SERPINB6: variants seen among roughly 807,000 people sequenced by gnomAD.
The protein encoded by SERPINB6 is serpin B6.
In SERPINB6, 16 loss-of-function variants were observed where a neutral mutation model predicts 26.1. The observed-to-expected ratio is 0.61, with a 90% CI of 0.42 to 0.93. The LOEUF (loss-of-function observed/expected upper bound fraction) is 0.93, where lower values mean the gene tolerates loss of function less well. SERPINB6 is among the 40% of genes least tolerant of loss of function. The pLI is 0.00. For missense variants in SERPINB6, 420 were observed against 478.0 expected (o/e 0.88, Z 1.13); for synonymous variants, 174 against 176.6 (o/e 0.99, Z 0.11).
Position 2,948,401 on chromosome 6 carries a change from G to A in SERPINB6, c.1028C>T (p.Ala343Val). Residue 343 changes from alanine (A) to valine (V), a missense_variant, in exon 7 of 7, where the codon GCC (alanine) becomes GTC (valine). Transcript: ENST00000380539. The surrounding 1 kb of genome is among the most constrained non-coding windows in gnomAD (Gnocchi z 5.0). ...GGCGCAGAAGCGGGGGACGAATCTGGCACACCGCATCATCATGATGGCAGC... is the reference window on the plus strand; with the variant it reads ...GGCGCAGAAGCGGGGGACGAATCTGACACACCGCATCATCATGATGGCAGC... ...ATAAIMMMRC[A>V]RFVPRFCADH... 1.2e-6 allele frequency: 2 copies of A among 1,614,180 alleles called. No homozygotes were observed. The highest frequency in any genetic ancestry group is 1.1e-5 in the South Asian group (1 of 91,090).
Position 2,970,724 on chromosome 6 carries a change from CA to C in SERPINB6, c.-11+808del, listed in dbSNP as rs70995402. ...AGTTTTCCGAAGCCAATCTTTAGGA[CA>C]AAAAAAAAAAAAAAAAAAAGGAAGA... On this transcript the variant is annotated intron_variant, in intron 1 of 6. Coordinates refer to ENST00000380539, the MANE Select transcript of SERPINB6 (RefSeq NM_004568.6). 80,758 of 1,013,604 alleles carry C rather than the reference CA, an allele frequency of 0.08. 132 individuals are homozygous for C. The highest frequency in any genetic ancestry group is 0.13 in the African/African-American group (6,377 of 48,138). 62.8% of individuals were successfully genotyped at this position (1,013,604 alleles called of 1,614,324 possible). A position where few individuals can be genotyped will look rare whatever the true frequency, so the allele number is the denominator to read the frequency against.
rs1771724926 is a variant in SERPINB6, at chr6:2,967,286, T to A, written c.-11+4247A>T. On this transcript the variant is annotated intron_variant, in intron 1 of 6. Transcript: ENST00000380539. This position sits in a 1 kb window ranked among gnomAD's most constrained non-coding sequence, Gnocchi z 4.3. The stretch of plus-strand genomic sequence containing the variant: ...TCCTTACATACACCATGTACAAAAA[T>A]CAACTCAAGATGGATTAAAGGCTTA... 1 of 934,504 alleles carries A rather than the reference T, an allele frequency of 1.1e-6. No individual in the cohort carries two copies. Among genetic ancestry groups the A allele is most frequent in the African/African-American group, 1.8e-5 (1 of 56,060 alleles). The allele number at this position is 934,504 out of a possible 1,614,324, so 57.9% of individuals were successfully genotyped here.
rs771296066 is a variant in SERPINB6 at position 2,955,530 on chromosome 6, G to A, written c.306C>T (p.Phe102=). 5.0e-6 allele frequency: 8 copies of A among 1,614,192 alleles called. No homozygotes were observed. The highest frequency in any genetic ancestry group is 6.8e-6 in the Non-Finnish European group (8 of 1,180,040). Residue 102 remains phenylalanine (F), a synonymous_variant, in exon 3 of 7, where the codon TTC becomes TTT. Coordinates refer to ENST00000380539, the MANE Select transcript of SERPINB6 (RefSeq NM_004568.6). ...AAGAGCAAGTATGACTTACTGAGAG[G>A]AAATCACAAGACTTTTCCCCAAAGA... ...NRLFGEKSCD[F]LSSFRDSCQK...
intron 2 of SERPINB6, chr6:2,958,131 G>A (rs1770695556): frequency 6.6e-6 from 1 of 152,256 alleles, no homozygotes; most frequent in South Asian, 2.1e-4. Flanking sequence ...AGGCCATTAG[G>A]TTGGGCTTTA....
intron 5 of SERPINB6, among the ~76,000 whole-genome samples, chr6:2,951,585 G>A (rs191690606): frequency 9.4e-4 from 143 of 152,190 alleles, no homozygotes; most frequent in African/African-American, 3.3e-3. Flanking sequence ...GTGACTGAAT[G>A]ATTCACTAAA....
At chr6:2,952,096 C>G (rs1052232239) in intron 5 of SERPINB6, among the ~76,000 whole-genome samples, 1 of 152,166 alleles carries the variant, frequency 6.6e-6, no homozygotes, top group Non-Finnish European at 1.5e-5. Flanking sequence ...CATGGTGAAC[C>G]GGGGTTTCTG....
At chr6:2,971,276 CG>C (rs1772138351) in intron 1 of SERPINB6, 1 of 775,680 alleles carries the variant, frequency 1.3e-6, no homozygotes. Flanking sequence ...TCTGCCGCTG[CG>C]AGGCTCCGGA....
intron 5 of SERPINB6, among the ~76,000 whole-genome samples, chr6:2,952,530 A>C (rs1309296778): frequency 6.6e-6 from 1 of 152,246 alleles, no homozygotes; most frequent in Non-Finnish European, 1.5e-5. Flanking sequence ...TTAAAACAAA[A>C]ATCTGTACTT....
intron 1 of SERPINB6, among the ~76,000 whole-genome samples, chr6:2,963,159 A>G (rs1383371271): frequency 6.6e-6 from 1 of 152,256 alleles, no homozygotes; most frequent in Non-Finnish European, 1.5e-5. Context: ...CTAAAAAAAT[A>G]GGAAAAACAG....
rs201274381 is a variant in SERPINB6, at chr6:2,953,078, T to A, written c.539A>T (p.Glu180Val). The A allele has an allele frequency of 1.7e-4, 267 of 1,614,258 alleles. No homozygotes were observed. Among genetic ancestry groups the A allele is most frequent in the Admixed American group, 3.2e-4 (19 of 60,030 alleles). ...TTTAAACAGTCTCTCCTCGGTGTTC[T>A]CCTTGTCAAACTGTTCATCCCAGTT... Reference protein sequence around the residue: ...RGNWDEQFDKENTEERLFKVS... With the variant: ...RGNWDEQFDKVNTEERLFKVS... The change falls in exon 5 of 7, where the codon GAG becomes GTG. Residue 180 changes from glutamate (E) to valine (V), a missense_variant. Coordinates refer to ENST00000380539, the MANE Select transcript of SERPINB6 (RefSeq NM_004568.6).
rs112083286 is a variant in SERPINB6, at chr6:2,948,744, C to T, written c.730-45G>A. The T allele has an allele frequency of 8.2e-6, 13 of 1,584,274 alleles. No homozygotes were observed. Among genetic ancestry groups the T allele is most frequent in the Non-Finnish European group, 1.1e-5 (13 of 1,153,514 alleles). ...GACTTTAAGACCCAGGGTGCTGCTG[C>T]CCAGCAGGGCCCTGTGCTATGCTGT... is the stretch of plus-strand genomic sequence containing the variant. On this transcript the variant is annotated intron_variant, in intron 6 of 6. Transcript: ENST00000380539. The surrounding 1 kb of genome is among the most constrained non-coding windows in gnomAD (Gnocchi z 5.0).
intron 3 of SERPINB6, 200 bp from the exon 4 acceptor site, chr6:2,954,909 G>A: frequency 1.8e-6 from 1 of 570,488 alleles, no homozygotes; most frequent in East Asian, 3.0e-5. Context: ...CTAAGTCAAG[G>A]TCAGGTACTG....
chr6:2,954,626 T>G lies in SERPINB6; in HGVS notation c.396A>C (p.Lys132Asn), dbSNP rs1411805495. ...DFISAVEKSR[K>N]HINTWVAEKT... ...TTTCAGCTACCCAGGTGTTTATGTGTTTTCTGGACTTCTCTACGGCGCTGA... is the reference window on the plus strand; with the variant it reads ...TTTCAGCTACCCAGGTGTTTATGTGGTTTCTGGACTTCTCTACGGCGCTGA... Residue 132 changes from lysine to asparagine, a missense_variant, in exon 4 of 7, where the codon AAA (lysine) becomes AAC (asparagine). Transcript: ENST00000380539. 6.2e-7 allele frequency: 1 copy of G among 1,614,074 alleles called. No individual in the cohort carries two copies. Among genetic ancestry groups the G allele is most frequent in the Admixed American group, 1.7e-5 (1 of 60,016 alleles).
chr6:2,955,414 G>A (rs1581246396), intron 3 of SERPINB6, 110 bp downstream of exon 3: 1 of 1,249,138 alleles, frequency 8.0e-7, no homozygotes, highest in Admixed American at 1.8e-5. Flanking sequence ...AATTACAAAA[G>A]CCTATGTATG....
At chr6:2,962,089 C>T (rs1771181027) in intron 1 of SERPINB6, 3 of 985,368 alleles carry the variant, frequency 3.0e-6, no homozygotes, top group African/African-American at 1.7e-5. Flanking sequence ...ACTCCGTCTC[C>T]GGTAATATCC....
intron 2 of SERPINB6, 96 bp downstream of exon 2, chr6:2,959,072 A>C: frequency 6.6e-7 from 1 of 1,510,168 alleles, no homozygotes. Context: ...GCAATACTGC[A>C]CAGTCATCCG....
At chr6:2,951,456 G>A (rs1216611763) in intron 5 of SERPINB6, among the ~76,000 whole-genome samples, 3 of 151,656 alleles carry the variant, frequency 2.0e-5, no homozygotes, top group Non-Finnish European at 4.4e-5. Context: ...AAAAAATTAG[G>A]TGGTGGGCTG....
At chr6:2,951,629 A>G (rs1387565651) in intron 5 of SERPINB6, among the ~76,000 whole-genome samples, 2 of 152,200 alleles carry the variant, frequency 1.3e-5, no homozygotes, top group Non-Finnish European at 2.9e-5. Context: ...CAGTTTATAT[A>G]GAAGGTAATG....
chr6:2,953,051 A>G lies in SERPINB6; in HGVS notation c.566T>C (p.Val189Ala). Residue 189 changes from valine (V) to alanine (A), a missense_variant, in exon 5 of 7, where the codon GTC becomes GCC. By Grantham distance (64) the Val-to-Ala change is moderately conservative. Transcript: ENST00000380539. ...KENTEERLFK[V>A]SKNEEKPVQM... ...TCACGGCCCCTTACTCGCCTTGCTG[A>G]CTTTAAACAGTCTCTCCTCGGTGTT... The G allele has an allele frequency of 6.2e-7, 1 of 1,614,200 alleles. No homozygotes were observed. The highest frequency in any genetic ancestry group is 8.5e-7 in the Non-Finnish European group (1 of 1,180,032).
Sources: allele counts gnomAD v4.1 joint callset (sites outside exome capture counted in the v4.1 genomes callset), GRCh38; gene constraint gnomAD v4.1.1; non-coding constraint Gnocchi (gnomAD v3.1); transcripts MANE v1.5; gene names NCBI Gene and HGNC (gene_info 2026-07-23, HGNC 2026-07-21).